The following GLRA3 variants were observed in gnomAD, a reference collection of about 807,000 sequenced individuals.
The protein encoded by GLRA3 is glycine receptor alpha 3.
In GLRA3, 44 loss-of-function variants were observed where a neutral mutation model predicts 60.4. The ratio of observed to expected loss-of-function variants is 0.73; its 90% CI spans 0.57 to 0.94. GLRA3 has a LOEUF of 0.94. GLRA3 is among the 40% of genes least tolerant of loss of function. The probability of loss-of-function intolerance (pLI) is 0.00; values close to 1 mark genes in which losing one functional copy is unlikely to be tolerated. For missense variants in GLRA3, 508 were observed against 564.6 expected (o/e 0.90, Z 1.02); for synonymous variants, 223 against 192.9 (o/e 1.16, Z -1.29).
At chr4:174,670,130 T>A (rs535736229) in intron 7 of GLRA3, among the ~76,000 whole-genome samples, 72 of 152,330 alleles carry the variant, frequency 4.7e-4, no homozygotes, top group Non-Finnish European at 8.8e-4. Context: ...AATCTAGATG[T>A]CACTGAAAAT....
intron 1 of GLRA3, among the ~76,000 whole-genome samples, chr4:174,804,197 G>A (rs1739939002): frequency 6.6e-6 from 1 of 152,104 alleles, no homozygotes; most frequent in Non-Finnish European, 1.5e-5. Context: ...CAGAGTTTCA[G>A]GCAGGAAAAT....
chr4:174,721,031 G>GTGTGTGTGTGTT (rs1554015631), intron 4 of GLRA3, among the ~76,000 whole-genome samples: 22 of 150,996 alleles, frequency 1.5e-4, no homozygotes, highest in Admixed American at 1.1e-3. Flanking sequence ...GTGTGTGTGT[G>GTGTGTGTGTGTT]TGTGTGTGTG....
intron 6 of GLRA3, among the ~76,000 whole-genome samples, chr4:174,679,699 A>G (rs1734268904): frequency 6.6e-6 from 1 of 152,218 alleles, no homozygotes; most frequent in Admixed American, 6.5e-5. Context: ...TTATTCAAAC[A>G]AAAAAGAATG....
intron 5 of GLRA3, among the ~76,000 whole-genome samples, chr4:174,707,004 C>T (rs1312488854): frequency 6.6e-6 from 1 of 152,030 alleles, no homozygotes; most frequent in Admixed American, 6.5e-5. Context: ...ATCTTATTAC[C>T]AACTATGCTA....
At chr4:174,778,799 C>T (rs12501582) in intron 2 of GLRA3, among the ~76,000 whole-genome samples, 22,018 of 152,230 alleles carry the variant, frequency 0.14, 2,228 homozygotes, top group East Asian at 0.48. Flanking sequence ...GGTTATACCC[C>T]GCACCTGGCT....
intron 7 of GLRA3, among the ~76,000 whole-genome samples, chr4:174,666,759 T>TATTATA (rs869235454): frequency 5.8e-4 from 31 of 53,402 alleles, no homozygotes; most frequent in Middle Eastern, 0.02. Flanking sequence ...TATATATATA[T>TATTATA]TATATATATA....
At chr4:174,722,827 G>A (rs1177252738) in intron 4 of GLRA3, 1 of 166,788 alleles carries the variant, frequency 6.0e-6, no homozygotes. Flanking sequence ...CACAATTTTT[G>A]TTAACAAAGA....
intron 6 of GLRA3, among the ~76,000 whole-genome samples, chr4:174,681,128 C>T (rs1160416284): frequency 6.6e-6 from 1 of 152,150 alleles, no homozygotes; most frequent in African/African-American, 2.4e-5. Context: ...TCTACGATAC[C>T]ACCCAAGATG....
At position 174,677,234 on chromosome 4, in the gene GLRA3, C is replaced by G; in HGVS notation, c.771G>C (p.Leu257=). The G allele has an allele frequency of 1.2e-5, 19 of 1,612,864 alleles. No individual in the cohort carries two copies. The highest frequency in any genetic ancestry group is 1.6e-5 in the Non-Finnish European group (19 of 1,178,930). The stretch of plus-strand genomic sequence containing the variant: ...GGAGACTGGGAATGTACATCTGGAT[C>G]AGATAGTATCCCATTTGTCGCTCCA... ...FHLERQMGYY[L]IQMYIPSLLI... Residue 257 remains leucine, a synonymous_variant, in exon 7 of 10, where the codon CTG becomes CTC. Coordinates refer to ENST00000274093, the MANE Select transcript of GLRA3 (RefSeq NM_006529.4).
At chr4:174,685,592 G>C (rs1368944918) in intron 5 of GLRA3, among the ~76,000 whole-genome samples, 1 of 152,178 alleles carries the variant, frequency 6.6e-6, no homozygotes, top group Non-Finnish European at 1.5e-5. Flanking sequence ...ATTTAACACA[G>C]CAGGGACTTA....
At chr4:174,731,064 T>C (rs990317787) in intron 3 of GLRA3, among the ~76,000 whole-genome samples, 1 of 152,196 alleles carries the variant, frequency 6.6e-6, no homozygotes, top group South Asian at 2.1e-4. Context: ...AATCTTTCTA[T>C]GCTTTGGTTC....
intron 1 of GLRA3, among the ~76,000 whole-genome samples, chr4:174,805,689 A>G (rs1740018885): frequency 6.6e-6 from 1 of 152,176 alleles, no homozygotes; most frequent in Admixed American, 6.6e-5. Context: ...AGCCACTTAA[A>G]TATCAGGGTA....
chr4:174,677,520 C>A (rs6848286), intron 6 of GLRA3, among the ~76,000 whole-genome samples: 1 of 150,852 alleles, frequency 6.6e-6, no homozygotes, highest in Non-Finnish European at 1.5e-5. Context: ...CCACCAAGCC[C>A]GGCTAATTTT....
At chr4:174,777,127 A>G (rs2111263771) in intron 2 of GLRA3, among the ~76,000 whole-genome samples, 1 of 152,320 alleles carries the variant, frequency 6.6e-6, no homozygotes, top group Admixed American at 6.5e-5. Context: ...CAGCATAAGC[A>G]AAAATCCTCC....
At chr4:174,679,326 A>G (rs1261477365) in intron 6 of GLRA3, among the ~76,000 whole-genome samples, 1 of 152,146 alleles carries the variant, frequency 6.6e-6, no homozygotes, top group Non-Finnish European at 1.5e-5. Context: ...AACTCAAAAA[A>G]ACAAAACAAA....
At chr4:174,659,579 G>T (rs886229148) in intron 7 of GLRA3, among the ~76,000 whole-genome samples, 2 of 151,866 alleles carry the variant, frequency 1.3e-5, no homozygotes, top group Non-Finnish European at 2.9e-5. Flanking sequence ...TATTAATTCT[G>T]TTAAGATATT....
intron 1 of GLRA3, among the ~76,000 whole-genome samples, chr4:174,827,380 A>T (rs1006044343): frequency 1.3e-5 from 2 of 151,668 alleles, no homozygotes; most frequent in Admixed American, 1.3e-4. Flanking sequence ...GTATCTATCA[A>T]CTAAGCTAAT....
intron 4 of GLRA3, among the ~76,000 whole-genome samples, chr4:174,727,902 C>G (rs1736386534): frequency 6.6e-6 from 1 of 151,998 alleles, no homozygotes; most frequent in Non-Finnish European, 1.5e-5. Context: ...CATCCATTTT[C>G]ACATAATACA....
At chr4:174,702,206 A>G (rs1735345441) in intron 5 of GLRA3, among the ~76,000 whole-genome samples, 1 of 152,158 alleles carries the variant, frequency 6.6e-6, no homozygotes, top group African/African-American at 2.4e-5. Flanking sequence ...CATCCCATCA[A>G]TCAGCAACCA....
Sources: allele counts gnomAD v4.1 joint callset (sites outside exome capture counted in the v4.1 genomes callset), GRCh38; gene constraint gnomAD v4.1.1; transcripts MANE v1.5; gene names NCBI Gene and HGNC (gene_info 2026-07-23, HGNC 2026-07-21).